The following TRAPPC9 variants were observed in gnomAD, a reference collection of about 807,000 sequenced individuals.
TRAPPC9 encodes IKK2 binding protein.
In TRAPPC9, 83 loss-of-function variants were observed where a neutral mutation model predicts 124.0. The observed-to-expected ratio is 0.67, with a 90% CI of 0.56 to 0.80. The LOEUF (loss-of-function observed/expected upper bound fraction) is 0.80. Among genes scored for constraint, TRAPPC9 ranks in the 30% least tolerant of loss-of-function variants. The pLI is 0.00. For missense variants in TRAPPC9, 1,302 were observed against 1,508.3 expected (o/e 0.86, Z 2.27); for synonymous variants, 638 against 617.5 (o/e 1.03, Z -0.49).
chr8:140,155,399 G>A (rs1052086624), intron 17 of TRAPPC9, among the ~76,000 whole-genome samples: 9 of 152,278 alleles, frequency 5.9e-5, no homozygotes, highest in East Asian at 1.9e-4. Context: ...CAAGCAGGAC[G>A]CCACAGCCAC....
intron 18 of TRAPPC9, among the ~76,000 whole-genome samples, chr8:140,002,138 C>G (rs772981399): frequency 6.6e-6 from 1 of 151,832 alleles, no homozygotes; most frequent in Non-Finnish European, 1.5e-5. Flanking sequence ...GAAAAAACGA[C>G]CACAAATACC....
intron 15 of TRAPPC9, among the ~76,000 whole-genome samples, chr8:140,273,906 G>C (rs1307155357): frequency 6.6e-6 from 1 of 152,136 alleles, no homozygotes; most frequent in Non-Finnish European, 1.5e-5. Context: ...TCAAGAGAAA[G>C]AGTAGAATAA....
chr8:139,922,162 T>C (rs1832550961), intron 19 of TRAPPC9, among the ~76,000 whole-genome samples: 1 of 151,422 alleles, frequency 6.6e-6, no homozygotes, highest in African/African-American at 2.4e-5. Context: ...CCTTCCAAGG[T>C]TGATCTTTGA....
intron 21 of TRAPPC9, among the ~76,000 whole-genome samples, chr8:139,818,446 T>C (rs1314774920): frequency 6.6e-6 from 1 of 152,082 alleles, no homozygotes. Flanking sequence ...CATGGTGGTG[T>C]GTGCCTACAA....
intron 15 of TRAPPC9, among the ~76,000 whole-genome samples, chr8:140,255,833 T>A (rs1427302984): frequency 6.6e-6 from 1 of 151,900 alleles, no homozygotes; most frequent in African/African-American, 2.4e-5. Flanking sequence ...TTGCAGTGAG[T>A]CAAGGTCGCG....
intron 9 of TRAPPC9, among the ~76,000 whole-genome samples, chr8:140,335,241 G>A (rs751154164): frequency 6.6e-6 from 1 of 152,158 alleles, no homozygotes; most frequent in Non-Finnish European, 1.5e-5. Flanking sequence ...GCTGGAAGGA[G>A]CAAAGCCAGG....
intron 21 of TRAPPC9, among the ~76,000 whole-genome samples, chr8:139,820,524 T>A (rs1825182769): frequency 6.6e-6 from 1 of 152,206 alleles, no homozygotes; most frequent in South Asian, 2.1e-4. Flanking sequence ...ATTCCACATA[T>A]ACACATTTTT....
At chr8:140,339,609 C>G in intron 9 of TRAPPC9, among the ~76,000 whole-genome samples, 1 of 152,188 alleles carries the variant, frequency 6.6e-6, no homozygotes, top group East Asian at 1.9e-4. Flanking sequence ...ACAAACGAGG[C>G]CGAACCCTGA....
intron 17 of TRAPPC9, among the ~76,000 whole-genome samples, chr8:140,074,894 T>C (rs773371425): frequency 3.9e-5 from 6 of 152,152 alleles, no homozygotes; most frequent in Non-Finnish European, 8.8e-5. Context: ...TGATCGCCAG[T>C]GGTATGACCT....
At chr8:140,383,511 C>T (rs939953461) in intron 7 of TRAPPC9, among the ~76,000 whole-genome samples, 1 of 152,026 alleles carries the variant, frequency 6.6e-6, no homozygotes, top group African/African-American at 2.4e-5. Context: ...AACTACGTGA[C>T]GAATGCACAT....
intron 19 of TRAPPC9, among the ~76,000 whole-genome samples, chr8:139,938,019 C>A (rs968168748): frequency 9.2e-5 from 14 of 152,220 alleles, no homozygotes; most frequent in Admixed American, 9.2e-4. Context: ...CCAGAAAAAT[C>A]TTTTGGGTGT....
chr8:140,172,631 C>A (rs1362777765), intron 17 of TRAPPC9, among the ~76,000 whole-genome samples: 1 of 152,148 alleles, frequency 6.6e-6, no homozygotes, highest in East Asian at 1.9e-4. Context: ...ACGATCGCAG[C>A]AGCAGCAGCA....
chr8:139,898,833 A>G (rs1161287642), intron 20 of TRAPPC9, among the ~76,000 whole-genome samples: 2 of 152,196 alleles, frequency 1.3e-5, no homozygotes, highest in Non-Finnish European at 2.9e-5. Flanking sequence ...GAAAAAACAG[A>G]AACAGGCCGG....
chr8:139,872,606 G>A (rs529556391), intron 21 of TRAPPC9, among the ~76,000 whole-genome samples: 56 of 147,296 alleles, frequency 3.8e-4, no homozygotes, highest in African/African-American at 1.3e-3. Context: ...GTGGATGGAC[G>A]GATGGGTGGG....
At chr8:140,254,209 C>T (rs2064194840) in intron 15 of TRAPPC9, among the ~76,000 whole-genome samples, 1 of 152,240 alleles carries the variant, frequency 6.6e-6, no homozygotes. Flanking sequence ...GATACAGGGT[C>T]CCTCAGCCAG....
At chr8:140,041,183 A>G (rs1036565927) in intron 17 of TRAPPC9, 3 of 152,200 alleles carry the variant, frequency 2.0e-5, no homozygotes, top group Non-Finnish European at 4.4e-5. Context: ...CCTCTCTCTG[A>G]CAGTTTCCAT....
intron 16 of TRAPPC9, among the ~76,000 whole-genome samples, chr8:140,227,897 C>G (rs1361919782): frequency 1.3e-5 from 2 of 152,228 alleles, no homozygotes. Context: ...ACAGCCAGAA[C>G]TAGGCCTCAT....
chr8:140,354,637 C>T (rs1011993082), intron 9 of TRAPPC9, among the ~76,000 whole-genome samples: 3 of 152,190 alleles, frequency 2.0e-5, no homozygotes, highest in Non-Finnish European at 2.9e-5. Flanking sequence ...CCTGGGGTCA[C>T]GTTTTTCCAT....
At chr8:139,749,846 C>T (rs1819198823) in intron 21 of TRAPPC9, among the ~76,000 whole-genome samples, 1 of 152,194 alleles carries the variant, frequency 6.6e-6, no homozygotes, top group South Asian at 2.1e-4. Flanking sequence ...TGGAGAGCAC[C>T]TCCCTGCTGA....
Sources: gnomAD v4.1 joint callset for allele counts (sites outside exome capture counted in the v4.1 genomes callset) on GRCh38, gnomAD v4.1.1 for gene constraint, MANE v1.5 for transcripts, NCBI Gene and HGNC (gene_info 2026-07-23, HGNC 2026-07-21) for gene names.